Variants in ASB4 observed in about 807,000 individuals in gnomAD.
The protein encoded by ASB4 is ankyrin repeat and SOCS box containing 4, also known as ankyrin repeat and SOCS box protein 4.
A neutral mutation model predicts 38.6 loss-of-function variants in ASB4; 35 were observed. The ratio of observed to expected loss-of-function variants is 0.91; its 90% CI spans 0.69 to 1.20. The LOEUF (loss-of-function observed/expected upper bound fraction) is 1.20. ASB4 is among the 50% of genes most tolerant of loss of function. The pLI, the probability that ASB4 is intolerant of heterozygous loss-of-function variation, is 0.00. For missense variants in ASB4, 557 were observed against 527.2 expected (o/e 1.06, Z -0.55); for synonymous variants, 195 against 201.3 (o/e 0.97, Z 0.26).
intron 2 of ASB4, among the ~76,000 whole-genome samples, chr7:95,516,678 T>C (rs1019965716): frequency 6.6e-6 from 1 of 152,234 alleles, no homozygotes; most frequent in African/African-American, 2.4e-5. Flanking sequence ...AAACTTGTCA[T>C]GAGAGCAGAC....
chr7:95,482,712 G>C (rs1331613532), upstream of ASB4, among the ~76,000 whole-genome samples: 1 of 152,172 alleles, frequency 6.6e-6, no homozygotes, highest in African/African-American at 2.4e-5. Flanking sequence ...AAAAAGAAAA[G>C]CTAGAGAGGC....
chr7:95,528,097 A>T lies in ASB4; in HGVS notation c.772A>T (p.Lys258Ter). The T allele has an allele frequency of 1.9e-6, 3 of 1,614,100 alleles. No individual in the cohort carries two copies. The highest frequency in any genetic ancestry group is 1.7e-6 in the Non-Finnish European group (2 of 1,180,010). ...RDDDFKSPLH[K>*]AAWNCDHVLM... Reference sequence around the variant, plus strand: ...TGACGACTTTAAATCTCCCCTCCACAAGGCAGCCTGGAACTGTGACCACGT... The same window carrying T: ...TGACGACTTTAAATCTCCCCTCCACTAGGCAGCCTGGAACTGTGACCACGT... The change falls in exon 3 of 5, where the codon AAG becomes TAG. Residue 258 changes from lysine to a stop codon, truncating the protein, a stop_gained. Transcript: ENST00000325885. LOFTEE classifies it high-confidence loss of function.
chr7:95,528,089 C>T lies in ASB4; in HGVS notation c.764C>T (p.Pro255Leu). Reference protein sequence around the residue: ...VNARDDDFKSPLHKAAWNCDH... With the variant: ...VNARDDDFKSLLHKAAWNCDH... Reference sequence around the variant, plus strand: ...GCCCGAGATGACGACTTTAAATCTCCCCTCCACAAGGCAGCCTGGAACTGT... The same window carrying T: ...GCCCGAGATGACGACTTTAAATCTCTCCTCCACAAGGCAGCCTGGAACTGT... Residue 255 changes from proline (P) to leucine (L), a missense_variant, in exon 3 of 5, where the codon CCC (proline) becomes CTC (leucine). Pro to Leu is a moderately conservative substitution (Grantham distance 98). Coordinates refer to ENST00000325885, the MANE Select transcript of ASB4 (RefSeq NM_016116.3). The T allele has an allele frequency of 6.2e-7, 1 of 1,614,180 alleles. No individual in the cohort carries two copies. Among genetic ancestry groups the T allele is most frequent in the Non-Finnish European group, 8.5e-7 (1 of 1,180,040 alleles).
intron 3 of ASB4, among the ~76,000 whole-genome samples, chr7:95,533,349 G>GA (rs1284405890): frequency 1.3e-5 from 2 of 152,146 alleles, no homozygotes; most frequent in Non-Finnish European, 2.9e-5. Context: ...ACTAAAAAGG[G>GA]AAAATTACTT....
At position 95,537,622 on chromosome 7, in the gene ASB4, A is replaced by G; in HGVS notation, c.1144A>G (p.Arg382Gly). 1 of 1,613,480 alleles carries G rather than the reference A, an allele frequency of 6.2e-7. No individual in the cohort carries two copies. The highest frequency in any genetic ancestry group is 8.5e-7 in the Non-Finnish European group (1 of 1,179,620). ...CTTTACTGTGTGCTGTAACTCTCCA[A>G]GGACTCTCATGCACTTATCGAGATG... The part of the protein sequence containing the change: ...SLFTVCCNSP[R>G]TLMHLSRCAI... Residue 382 changes from arginine to glycine, a missense_variant, in exon 5 of 5, where the codon AGG becomes GGG. Coordinates refer to ENST00000325885, the MANE Select transcript of ASB4 (RefSeq NM_016116.3).
the ASB4 span, among the ~76,000 whole-genome samples, chr7:95,549,848 C>A: frequency 1.3e-5 from 2 of 152,124 alleles, no homozygotes; most frequent in Non-Finnish European, 2.9e-5. Context: ...CTAATCCTTC[C>A]TTCTGCTCAA....
chr7:95,507,548 A>G (rs1790426580), intron 2 of ASB4, among the ~76,000 whole-genome samples: 1 of 152,016 alleles, frequency 6.6e-6, no homozygotes, highest in Non-Finnish European at 1.5e-5. Context: ...TTATTTGTTG[A>G]ATTCTTTGAT....
upstream of ASB4, among the ~76,000 whole-genome samples, chr7:95,481,564 A>G (rs566993088): frequency 6.6e-6 from 1 of 152,354 alleles, no homozygotes; most frequent in East Asian, 1.9e-4. Context: ...AGCTGGCTTC[A>G]AATTTCTTCC....
downstream of ASB4, chr7:95,543,403 T>G (rs1432894934): frequency 6.6e-6 from 1 of 152,204 alleles, no homozygotes; most frequent in Non-Finnish European, 1.5e-5. Flanking sequence ...CAGTCACCCC[T>G]ATTGAGTGTG....
chr7:95,495,896 C>T lies in ASB4; in HGVS notation c.326C>T (p.Thr109Ile), dbSNP rs539458950. 89 of 1,614,126 alleles carry T rather than the reference C, an allele frequency of 5.5e-5. 1 individual carries two copies. The South Asian group carries it at 8.3e-4, about 15-fold the overall frequency. ...ATINCRPNGK[T>I]PLHVACEMAN... ...ATCAACTGTAGACCCAATGGGAAAACCCCTCTTCACGTGGCTTGTGAAATG... is the reference window on the plus strand; with the variant it reads ...ATCAACTGTAGACCCAATGGGAAAATCCCTCTTCACGTGGCTTGTGAAATG... Residue 109 changes from threonine to isoleucine, a missense_variant, in exon 2 of 5, where the codon ACC becomes ATC. By Grantham distance (89) the Thr-to-Ile change is moderately conservative. Transcript: ENST00000325885.
At chr7:95,542,260 T>A (rs895090219), downstream of ASB4, 4 of 152,142 alleles carry the variant, frequency 2.6e-5, no homozygotes, top group South Asian at 2.1e-4. Context: ...CACAGTTTTT[T>A]AAAAAAATTA....
intron 2 of ASB4, among the ~76,000 whole-genome samples, chr7:95,522,556 A>G (rs1252412782): frequency 1.3e-5 from 2 of 152,194 alleles, no homozygotes; most frequent in African/African-American, 4.8e-5. Flanking sequence ...TTAAAAGATT[A>G]TGTGTAGATG....
rs182948533 is a variant in ASB4, at chr7:95,532,417, C to T, written c.979-4020C>T. ...GACATTTGATTTTTTTTTCTCCCAG[C>T]GTAATTCAGAAGAAAGTGACACCCC... is the stretch of plus-strand genomic sequence containing the variant. On this transcript the variant is annotated intron_variant, in intron 3 of 4. Coordinates refer to ENST00000325885, the MANE Select transcript of ASB4 (RefSeq NM_016116.3). Among the ~76,000 whole-genome samples the T allele has an allele frequency of 9.2e-5, 14 of 151,924 alleles. No individual in the cohort carries two copies. In the South Asian group the frequency reaches 1.7e-3, roughly 18 times the overall value.
intron 2 of ASB4, among the ~76,000 whole-genome samples, chr7:95,506,686 C>CT (rs76270182): frequency 0.037 from 4,478 of 119,896 alleles, 123 homozygotes; most frequent in Admixed American, 0.07. Flanking sequence ...AATTTAGATT[C>CT]TTTTTTTTTT....
At chr7:95,504,728 A>T (rs1055939166) in intron 2 of ASB4, among the ~76,000 whole-genome samples, 2 of 152,226 alleles carry the variant, frequency 1.3e-5, no homozygotes, top group Admixed American at 6.5e-5. Context: ...AACAGCAAAT[A>T]AAAGGCAATT....
At chr7:95,532,077 A>G (rs986568055) in intron 3 of ASB4, among the ~76,000 whole-genome samples, 3 of 152,214 alleles carry the variant, frequency 2.0e-5, no homozygotes, top group Non-Finnish European at 4.4e-5. Flanking sequence ...AAGAAAAACT[A>G]TTCAATTTAC....
upstream of ASB4, among the ~76,000 whole-genome samples, chr7:95,485,189 A>G (rs1278609903): frequency 6.6e-6 from 1 of 152,132 alleles, no homozygotes; most frequent in African/African-American, 2.4e-5. Context: ...TTTTTTTTAC[A>G]TAACCACATT....
the ASB4 span, among the ~76,000 whole-genome samples, chr7:95,550,603 TTG>T: frequency 6.6e-6 from 1 of 152,214 alleles, no homozygotes; most frequent in Non-Finnish European, 1.5e-5. Context: ...ACCTGTAATC[TTG>T]TTGTCCAAAC....
At chr7:95,503,579 A>G (rs1790369064) in intron 2 of ASB4, among the ~76,000 whole-genome samples, 1 of 152,234 alleles carries the variant, frequency 6.6e-6, no homozygotes. Flanking sequence ...CAGTCTCTAG[A>G]GGTATAGCCA....
Sources: gnomAD v4.1 joint callset for allele counts (sites outside exome capture counted in the v4.1 genomes callset) on GRCh38, gnomAD v4.1.1 for gene constraint, MANE v1.5 for transcripts, NCBI Gene and HGNC (gene_info 2026-07-23, HGNC 2026-07-21) for gene names.